Variants in FARS2 observed in about 807,000 individuals in gnomAD.
FARS2 encodes the protein phenylalanyl-tRNA synthetase 2, mitochondrial.
FARS2 carries 40 observed loss-of-function variants against 46.4 expected under a neutral mutation model. The ratio of observed to expected loss-of-function variants is 0.86; its 90% CI spans 0.67 to 1.12. FARS2 has a LOEUF of 1.12. Among genes scored for constraint, FARS2 ranks in the 50% most tolerant of loss-of-function variants. The pLI, the probability that FARS2 is intolerant of heterozygous loss-of-function variation, is 0.00. For missense variants in FARS2, 513 were observed against 567.9 expected (o/e 0.90, Z 0.98); for synonymous variants, 234 against 214.9 (o/e 1.09, Z -0.78).
chr6:5,298,818 G>A (rs558345120), intron 1 of FARS2, among the ~76,000 whole-genome samples: 7 of 147,758 alleles, frequency 4.7e-5, no homozygotes, highest in Admixed American at 1.4e-4. Context: ...AGCCGAGATC[G>A]TGCCACCGCA....
intron 6 of FARS2, among the ~76,000 whole-genome samples, chr6:5,675,268 G>C (rs1041859057): frequency 6.6e-6 from 1 of 151,886 alleles, no homozygotes; most frequent in African/African-American, 2.4e-5. Context: ...GTAACCACAT[G>C]TGTGCTGTCA....
At chr6:5,314,829 T>C (rs1769334480) in intron 1 of FARS2, among the ~76,000 whole-genome samples, 1 of 152,250 alleles carries the variant, frequency 6.6e-6, no homozygotes. Context: ...TACTCTTTCA[T>C]GTAATTGAAT....
intron 1 of FARS2, among the ~76,000 whole-genome samples, chr6:5,338,082 A>T (rs1458252781): frequency 4.6e-5 from 7 of 151,404 alleles, no homozygotes; most frequent in Non-Finnish European, 2.9e-5. Flanking sequence ...AAACTTGGTT[A>T]TATTGAGAAA....
At chr6:5,321,249 T>G (rs1769951739) in intron 1 of FARS2, among the ~76,000 whole-genome samples, 2 of 152,256 alleles carry the variant, frequency 1.3e-5, no homozygotes, top group Admixed American at 1.3e-4. Context: ...ATTTGACTTG[T>G]GTTTTTCATG....
At chr6:5,481,365 C>A (rs759592109) in intron 4 of FARS2, among the ~76,000 whole-genome samples, 2 of 152,182 alleles carry the variant, frequency 1.3e-5, no homozygotes, top group Non-Finnish European at 2.9e-5. Context: ...TAAGGCTGCC[C>A]ATGGTGTTGT....
At chr6:5,376,757 C>T (rs939635827) in intron 2 of FARS2, among the ~76,000 whole-genome samples, 7 of 152,020 alleles carry the variant, frequency 4.6e-5, no homozygotes, top group Non-Finnish European at 5.9e-5. Flanking sequence ...AAAACATGCC[C>T]GACAATGTGT....
intron 6 of FARS2, among the ~76,000 whole-genome samples, chr6:5,646,270 A>G (rs879577874): frequency 6.6e-6 from 1 of 152,198 alleles, no homozygotes; most frequent in Non-Finnish European, 1.5e-5. Context: ...ATGCTGCTCT[A>G]ATATCCAGGC....
At chr6:5,336,423 C>T (rs1414667412) in intron 1 of FARS2, among the ~76,000 whole-genome samples, 1 of 151,782 alleles carries the variant, frequency 6.6e-6, no homozygotes, top group Non-Finnish European at 1.5e-5. Context: ...AAAGACTTTT[C>T]TTTACATATG....
intron 1 of FARS2, among the ~76,000 whole-genome samples, chr6:5,365,882 G>A (rs926393368): frequency 6.6e-6 from 1 of 152,108 alleles, no homozygotes; most frequent in Non-Finnish European, 1.5e-5. Context: ...GAAAGAAAAT[G>A]TATTTACTAT....
At chr6:5,497,768 A>T (rs1014716047) in intron 4 of FARS2, among the ~76,000 whole-genome samples, 1 of 152,206 alleles carries the variant, frequency 6.6e-6, no homozygotes, top group Non-Finnish European at 1.5e-5. Flanking sequence ...TTTTAAATAG[A>T]ATTTTAGGAA....
intron 3 of FARS2, among the ~76,000 whole-genome samples, chr6:5,413,669 C>G (rs1039557202): frequency 6.6e-6 from 1 of 152,190 alleles, no homozygotes; most frequent in Admixed American, 6.5e-5. Context: ...ACTCCTTTGA[C>G]TTGCACTGGA....
intron 1 of FARS2, among the ~76,000 whole-genome samples, chr6:5,347,861 CAAT>C (rs1043101847): frequency 8.5e-5 from 13 of 152,244 alleles, no homozygotes; most frequent in African/African-American, 3.1e-4. Context: ...ACAACAAGAA[CAAT>C]AATAATAATG....
chr6:5,721,175 A>C (rs984228273), intron 6 of FARS2, among the ~76,000 whole-genome samples: 6 of 152,364 alleles, frequency 3.9e-5, no homozygotes, highest in Admixed American at 2.0e-4. Flanking sequence ...AATAACTATA[A>C]AAATTTTTGT....
chr6:5,574,994 T>C (rs1198571186), intron 5 of FARS2, among the ~76,000 whole-genome samples: 3 of 152,162 alleles, frequency 2.0e-5, no homozygotes, highest in Admixed American at 2.0e-4. Flanking sequence ...CCAGTGAAGT[T>C]CAAACCCAAG....
At chr6:5,668,594 G>T (rs976313172) in intron 6 of FARS2, among the ~76,000 whole-genome samples, 13 of 151,894 alleles carry the variant, frequency 8.6e-5, no homozygotes, top group Admixed American at 6.6e-4. Flanking sequence ...AGGCAAAAAT[G>T]GATGGCTTAG....
In FARS2 at chr6:5,754,969, A is replaced by G. The variant is rs555172777; in HGVS notation, c.1218-16322A>G. 9.8e-4 allele frequency among the ~76,000 whole-genome samples: 149 copies of G among 152,134 alleles called. 2 individuals are homozygous for G. The highest frequency in any genetic ancestry group is 3.1e-4 in the Non-Finnish European group (21 of 68,024). On this transcript the variant is annotated intron_variant, in intron 6 of 6. Transcript: ENST00000274680. ...GAAACTTCTCAGTCATTGTCTCTTT[A>G]GATATTGCCTCTCTTTGTTCTCTCT...
intron 6 of FARS2, among the ~76,000 whole-genome samples, chr6:5,707,474 C>T (rs577753189): frequency 1.4e-4 from 21 of 152,288 alleles, no homozygotes; most frequent in Non-Finnish European, 2.8e-4. Flanking sequence ...TAATTCCTTA[C>T]AGCCCAGGCC....
At chr6:5,329,766 G>T (rs1770666523) in intron 1 of FARS2, among the ~76,000 whole-genome samples, 1 of 152,192 alleles carries the variant, frequency 6.6e-6, no homozygotes, top group African/African-American at 2.4e-5. Context: ...GATACACAGG[G>T]TGAAGTGCTC....
chr6:5,361,529 T>C (rs577702833), intron 1 of FARS2, among the ~76,000 whole-genome samples: 49 of 152,348 alleles, frequency 3.2e-4, no homozygotes, highest in African/African-American at 1.2e-3. Flanking sequence ...TCACGAGTAA[T>C]GCAGGAAACT....
Sources: gnomAD v4.1 joint callset for allele counts (sites outside exome capture counted in the v4.1 genomes callset) on GRCh38, gnomAD v4.1.1 for gene constraint, MANE v1.5 for transcripts, NCBI Gene and HGNC (gene_info 2026-07-23, HGNC 2026-07-21) for gene names.